The following SNX29 variants were observed in gnomAD, a reference collection of about 807,000 sequenced individuals.
The protein encoded by SNX29 is sorting nexin 29, also known as sorting nexin-29.
In SNX29, 78 loss-of-function variants were observed where a neutral mutation model predicts 102.1. The observed-to-expected ratio is 0.76, with a 90% CI of 0.64 to 0.92. The LOEUF (loss-of-function observed/expected upper bound fraction) is 0.92. SNX29 is among the 40% of genes least tolerant of loss of function. The probability of loss-of-function intolerance (pLI) is 0.00; values close to 1 mark genes in which losing one functional copy is unlikely to be tolerated. For synonymous variants in SNX29, 580 were observed against 414.5 expected (o/e 1.40, Z -4.85); for missense variants, 1,280 against 1,061.7 (o/e 1.21, Z -2.86).
Position 12,565,872 on chromosome 16 carries a change from A to C in SNX29, c.2319-2634A>C, listed in dbSNP as rs776798640. 1.4e-4 allele frequency among the ~76,000 whole-genome samples: 22 copies of C among 152,270 alleles called. 1 individual carries two copies. The highest frequency in any genetic ancestry group is 6.8e-3 in the Middle Eastern group (2 of 294). On this transcript the variant is annotated intron_variant, in intron 20 of 20. Coordinates refer to ENST00000566228, the MANE Select transcript of SNX29 (RefSeq NM_032167.5). ...CCGGGAAGCCCTCTGTGCCCTGCTC[A>C]GAACAACCTGAGTTCCCTCTCATTG... is the stretch of plus-strand genomic sequence containing the variant.
Position 12,046,632 on chromosome 16 carries a change from C to G in SNX29, c.499+178C>G, listed in dbSNP as rs11859602. On this transcript the variant is annotated intron_variant, in intron 6 of 20. Coordinates refer to ENST00000566228, the MANE Select transcript of SNX29 (RefSeq NM_032167.5). The stretch of plus-strand genomic sequence containing the variant: ...GAATGTTGGTTTTTTAATTTGTATT[C>G]CTTTAAAGAGAGAGCCTCACTCTGT... Among the ~76,000 whole-genome samples, 272 of 151,998 alleles carry G rather than the reference C, an allele frequency of 1.8e-3. 1 individual carries two copies. Among genetic ancestry groups the G allele is most frequent in the African/African-American group, 6.3e-3 (260 of 41,512 alleles).
At chr16:12,326,259 C>T (rs2081114395) in intron 15 of SNX29, among the ~76,000 whole-genome samples, 1 of 151,894 alleles carries the variant, frequency 6.6e-6, no homozygotes, top group Admixed American at 6.6e-5. Flanking sequence ...GGTGATCTGC[C>T]CGCCTTGGCC....
chr16:12,073,479 G>A (rs886168783), intron 10 of SNX29, among the ~76,000 whole-genome samples: 2 of 152,138 alleles, frequency 1.3e-5, no homozygotes, highest in South Asian at 4.1e-4. Context: ...TAGTGGAGCG[G>A]TTTTGAGTGA....
intron 14 of SNX29, among the ~76,000 whole-genome samples, chr16:12,233,223 TGTG>T (rs2077823554): frequency 6.6e-6 from 1 of 152,118 alleles, no homozygotes; most frequent in Non-Finnish European, 1.5e-5. Flanking sequence ...ATAAAGAAAA[TGTG>T]GTACATATAC....
At chr16:12,331,108 C>G (rs911432756) in intron 15 of SNX29, among the ~76,000 whole-genome samples, 4 of 152,216 alleles carry the variant, frequency 2.6e-5, no homozygotes, top group African/African-American at 9.6e-5. Context: ...TGGGCTCCTA[C>G]CTTGAATCCT....
intron 16 of SNX29, among the ~76,000 whole-genome samples, chr16:12,390,596 A>T (rs2083496049): frequency 6.6e-6 from 1 of 152,210 alleles, no homozygotes; most frequent in African/African-American, 2.4e-5. Flanking sequence ...CATTTGTGGA[A>T]TGGAGCAGTC....
At chr16:12,226,917 C>G (rs1400061207) in intron 14 of SNX29, among the ~76,000 whole-genome samples, 1 of 152,170 alleles carries the variant, frequency 6.6e-6, no homozygotes, top group Non-Finnish European at 1.5e-5. Context: ...AACACGTCTA[C>G]TGGCTAGCTG....
intron 19 of SNX29, among the ~76,000 whole-genome samples, chr16:12,521,826 G>C (rs997624493): frequency 6.6e-6 from 1 of 152,216 alleles, no homozygotes; most frequent in Admixed American, 6.5e-5. Context: ...GCTCCAGCTT[G>C]GGTTGGAGGA....
intron 15 of SNX29, among the ~76,000 whole-genome samples, chr16:12,327,615 G>A (rs547206471): frequency 2.6e-5 from 4 of 152,258 alleles, no homozygotes; most frequent in Non-Finnish European, 5.9e-5. Flanking sequence ...TCTGTCTGCA[G>A]GTATAGTCAC....
chr16:12,055,638 C>T (rs1217872633), intron 8 of SNX29, among the ~76,000 whole-genome samples: 5 of 152,158 alleles, frequency 3.3e-5, no homozygotes, highest in African/African-American at 1.2e-4. Context: ...AGTTGCAGTT[C>T]AGGTCCAGAG....
intron 20 of SNX29, among the ~76,000 whole-genome samples, chr16:12,568,090 G>A (rs145524027): frequency 1.3e-5 from 2 of 152,286 alleles, no homozygotes; most frequent in African/African-American, 2.4e-5. Context: ...TCCGTCTCCT[G>A]TGTTTTGCTA....
intron 19 of SNX29, among the ~76,000 whole-genome samples, chr16:12,512,830 C>G (rs2089691433): frequency 6.6e-6 from 1 of 152,190 alleles, no homozygotes; most frequent in Non-Finnish European, 1.5e-5. Context: ...TGGACTCAAT[C>G]AATGCCTGGG....
chr16:12,462,430 A>G (rs552449854), intron 18 of SNX29, among the ~76,000 whole-genome samples: 4 of 152,178 alleles, frequency 2.6e-5, no homozygotes, highest in Admixed American at 6.5e-5. Context: ...AACTTGAAAA[A>G]TAGCATTTAA....
intron 2 of SNX29, chr16:12,000,383 G>C (rs867267888): frequency 1.3e-5 from 2 of 152,288 alleles, no homozygotes; most frequent in Middle Eastern, 3.4e-3. Context: ...CTTGCTCAGG[G>C]CGTCATAGTA....
intron 18 of SNX29, among the ~76,000 whole-genome samples, chr16:12,430,304 G>A (rs1485883196): frequency 6.6e-6 from 1 of 152,210 alleles, no homozygotes; most frequent in Non-Finnish European, 1.5e-5. Flanking sequence ...GCACAGTGGG[G>A]GCAATGCCAC....
chr16:12,072,401 C>T (rs1279241131), intron 10 of SNX29, among the ~76,000 whole-genome samples: 4 of 152,114 alleles, frequency 2.6e-5, no homozygotes, highest in Non-Finnish European at 5.9e-5. Context: ...TTGTCAAAGG[C>T]CTTTTCTGCA....
chr16:12,564,953 G>A (rs62028258), intron 20 of SNX29, among the ~76,000 whole-genome samples: 43 of 146,594 alleles, frequency 2.9e-4, no homozygotes, highest in African/African-American at 5.0e-4. Context: ...AAAAAAAAAG[G>A]CTGTCATTGT....
At chr16:12,424,483 C>A (rs1357467603) in intron 18 of SNX29, among the ~76,000 whole-genome samples, 3 of 152,104 alleles carry the variant, frequency 2.0e-5, no homozygotes, top group Non-Finnish European at 4.4e-5. Flanking sequence ...GCGACTAGAA[C>A]CATGGTAAGC....
intron 20 of SNX29, among the ~76,000 whole-genome samples, chr16:12,555,206 T>C (rs113944745): frequency 7.2e-4 from 109 of 151,880 alleles, no homozygotes; most frequent in African/African-American, 2.4e-3. Flanking sequence ...GACTGGACTA[T>C]GGGCAGCTGC....
Sources: allele counts gnomAD v4.1 joint callset (sites outside exome capture counted in the v4.1 genomes callset), GRCh38; gene constraint gnomAD v4.1.1; transcripts MANE v1.5; gene names NCBI Gene and HGNC (gene_info 2026-07-23, HGNC 2026-07-21).